The following PALM2AKAP2 variants were observed in gnomAD, a reference collection of about 807,000 sequenced individuals.
The protein encoded by PALM2AKAP2 is PALM2-AKAP2 fusion protein.
In PALM2AKAP2, 37 loss-of-function variants were observed where a neutral mutation model predicts 71.5. The ratio of observed to expected loss-of-function variants is 0.52; its 90% CI spans 0.40 to 0.68. The LOEUF (loss-of-function observed/expected upper bound fraction) is 0.68, where lower values mean the gene tolerates loss of function less well. Ranked by LOEUF, PALM2AKAP2 falls within the 30% of genes least tolerant of loss-of-function variation. PALM2AKAP2 has a pLI of 0.00. For synonymous variants in PALM2AKAP2, 468 were observed against 478.8 expected, an observed-to-expected ratio of 0.98 and a Z score of 0.29; for missense variants, 1,224 against 1,191.8, an observed-to-expected ratio of 1.03 and a Z score of -0.40.
chr9:110,153,464 A>G (rs1217759425), intron 2 of PALM2AKAP2, among the ~76,000 whole-genome samples: 1 of 152,244 alleles, frequency 6.6e-6, no homozygotes, highest in African/African-American at 2.4e-5. Flanking sequence ...CTCCAAAGCC[A>G]TTGAGTCTGT....
intron 1 of PALM2AKAP2, among the ~76,000 whole-genome samples, chr9:110,065,451 TC>T (rs1448925145): frequency 6.6e-6 from 1 of 152,200 alleles, no homozygotes; most frequent in Non-Finnish European, 1.5e-5. Flanking sequence ...GGTCTCAAAC[TC>T]CTGAGCTCCA....
At chr9:109,792,596 C>G (rs1827145833) in intron 1 of PALM2AKAP2, among the ~76,000 whole-genome samples, 1 of 152,032 alleles carries the variant, frequency 6.6e-6, no homozygotes, top group South Asian at 2.1e-4. Flanking sequence ...CTTGGGGCTA[C>G]CTTATACCCT....
intron 1 of PALM2AKAP2, among the ~76,000 whole-genome samples, chr9:109,723,830 T>G (rs1017665242): frequency 6.6e-6 from 1 of 152,212 alleles, no homozygotes; most frequent in Non-Finnish European, 1.5e-5. Context: ...GTGTGTTTAT[T>G]GATGGATCCT....
chr9:110,091,713 T>C (rs547573364), intron 1 of PALM2AKAP2, among the ~76,000 whole-genome samples: 66 of 152,194 alleles, frequency 4.3e-4, no homozygotes, highest in Admixed American at 2.9e-3. Flanking sequence ...CTGCCCGCCT[T>C]GGCCTCCCAA....
At chr9:109,823,669 G>A (rs1165663373) in intron 1 of PALM2AKAP2, among the ~76,000 whole-genome samples, 3 of 152,098 alleles carry the variant, frequency 2.0e-5, no homozygotes, top group East Asian at 1.9e-4. Flanking sequence ...CAGAGAGTTG[G>A]CTCTCCCTGT....
At position 110,053,545 on chromosome 9, in the gene PALM2AKAP2, A is replaced by G. The variant is rs529232980; in HGVS notation, c.156+4690A>G. Among the ~76,000 whole-genome samples, 1,063 of 150,714 alleles carry G rather than the reference A, an allele frequency of 7.1e-3. 4 individuals are homozygous for G. Among genetic ancestry groups the G allele is most frequent in the Non-Finnish European group, 8.1e-3 (549 of 67,650 alleles). The stretch of plus-strand genomic sequence containing the variant: ...TCTGTCTCAAAAAAAAAAAAAAAAA[A>G]AAAGAAAAAAAGAAAGAAAGAAAGA... On this transcript the variant is annotated intron_variant, in intron 1 of 3. Coordinates refer to ENST00000374525, the Ensembl canonical transcript of PALM2AKAP2.
At chr9:109,752,182 A>G (rs1232461367) in intron 1 of PALM2AKAP2, among the ~76,000 whole-genome samples, 1 of 152,160 alleles carries the variant, frequency 6.6e-6, no homozygotes, top group Admixed American at 6.6e-5. Context: ...TATGGCGAGA[A>G]ACACATAGGA....
chr9:109,852,165 G>C (rs186602095), intron 1 of PALM2AKAP2, among the ~76,000 whole-genome samples: 45 of 152,184 alleles, frequency 3.0e-4, no homozygotes, highest in African/African-American at 1.0e-3. Context: ...TGAGTATATT[G>C]TGTGATGCTG....
intron 1 of PALM2AKAP2, among the ~76,000 whole-genome samples, chr9:109,793,986 A>C (rs1827182999): frequency 1.3e-5 from 2 of 152,230 alleles, no homozygotes; most frequent in South Asian, 4.1e-4. Context: ...CATTTGGAGA[A>C]AAACTTTGCC....
intron 1 of PALM2AKAP2, among the ~76,000 whole-genome samples, chr9:109,662,167 C>T (rs1827407802): frequency 6.6e-6 from 1 of 151,996 alleles, no homozygotes; most frequent in Non-Finnish European, 1.5e-5. Context: ...TTTCTTTCTC[C>T]TGCCTGATTG....
chr9:109,735,609 A>G (rs1486293907), intron 1 of PALM2AKAP2, among the ~76,000 whole-genome samples: 1 of 152,158 alleles, frequency 6.6e-6, no homozygotes, highest in Non-Finnish European at 1.5e-5. Context: ...TTTGGCTGAA[A>G]TGTCTGTTGC....
At chr9:109,644,616 A>G (rs1827122245) in intron 1 of PALM2AKAP2, among the ~76,000 whole-genome samples, 1 of 151,960 alleles carries the variant, frequency 6.6e-6, no homozygotes, top group Non-Finnish European at 1.5e-5. Flanking sequence ...CAGGCTGCAA[A>G]TTTTCTCAAC....
At chr9:110,113,815 G>C (rs1455381333) in intron 1 of PALM2AKAP2, among the ~76,000 whole-genome samples, 2 of 152,140 alleles carry the variant, frequency 1.3e-5, no homozygotes. Context: ...TTACAGACGT[G>C]AGCCACCATA....
intron 1 of PALM2AKAP2, among the ~76,000 whole-genome samples, chr9:109,829,697 G>A (rs866732951): frequency 2.2e-4 from 33 of 151,722 alleles, no homozygotes; most frequent in Admixed American, 5.9e-4. Flanking sequence ...TGGCCAGAGC[G>A]TCATTTGAGG....
At chr9:109,808,489 C>T (rs1441062971) in intron 1 of PALM2AKAP2, among the ~76,000 whole-genome samples, 2 of 152,176 alleles carry the variant, frequency 1.3e-5, no homozygotes, top group South Asian at 4.1e-4. Context: ...AAAGAGGTGA[C>T]TTGGGTGCTG....
chr9:110,119,574 T>A (rs889860140), intron 1 of PALM2AKAP2, among the ~76,000 whole-genome samples: 1 of 152,130 alleles, frequency 6.6e-6, no homozygotes, highest in African/African-American at 2.4e-5. Context: ...CCATCCAACT[T>A]TATGGAGTTG....
chr9:110,156,595 T>C (rs1836463923), intron 3 of PALM2AKAP2, 98 bp downstream of exon 9: 3 of 1,405,772 alleles, frequency 2.1e-6, no homozygotes, highest in Non-Finnish European at 2.8e-6. Context: ...TGTCGTTGTC[T>C]GGTCAGCATT....
In PALM2AKAP2 at chr9:109,729,314, A is replaced by G. The variant is rs73657039; in HGVS notation, c.6-51174A>G. 9.0e-3 allele frequency among the ~76,000 whole-genome samples: 1,366 copies of G among 152,294 alleles called. 23 individuals carry two copies. Among genetic ancestry groups the G allele is most frequent in the African/African-American group, 0.031 (1,300 of 41,548 alleles). On this transcript the variant is annotated intron_variant, in intron 1 of 6. Coordinates refer to the PALM2AKAP2 transcript ENST00000374531. ...AGTGGGTGCTGGGTACTTAAAATGA[A>G]TACACAATTTTCTAACATTTAAAAC...
chr9:109,877,333 A>G (rs1410168265), intron 2 of PALM2AKAP2, among the ~76,000 whole-genome samples: 1 of 152,122 alleles, frequency 6.6e-6, no homozygotes, highest in Non-Finnish European at 1.5e-5. Flanking sequence ...CTACAATTCC[A>G]TTGACTGAAT....
Sources: allele counts gnomAD v4.1 joint callset (sites outside exome capture counted in the v4.1 genomes callset), GRCh38; gene constraint gnomAD v4.1.1; transcripts MANE v1.5; gene names NCBI Gene and HGNC (gene_info 2026-07-23, HGNC 2026-07-21).